The following CCDC126 variants were observed in gnomAD, a reference collection of about 807,000 sequenced individuals.
CCDC126 encodes the protein coiled-coil domain containing 126, also known as coiled-coil domain-containing protein 126.
In CCDC126, 5 loss-of-function variants were observed where a neutral mutation model predicts 11.7. The observed-to-expected ratio is 0.43, with a 90% confidence interval of 0.22 to 0.90. The LOEUF (loss-of-function observed/expected upper bound fraction) is 0.90. Ranked by LOEUF, CCDC126 falls within the 40% of genes least tolerant of loss-of-function variation. The pLI, the probability that CCDC126 is intolerant of heterozygous loss-of-function variation, is 0.27. For missense variants in CCDC126, 150 were observed against 163.1 expected, an observed-to-expected ratio of 0.92 and a Z score of 0.44; for synonymous variants, 60 against 61.9, an observed-to-expected ratio of 0.97 and a Z score of 0.14.
chr7:23,612,770 C>G (rs1263297007), intron 3 of CCDC126, among the ~76,000 whole-genome samples: 1 of 152,120 alleles, frequency 6.6e-6, no homozygotes, highest in Non-Finnish European at 1.5e-5. Flanking sequence ...CTAATATAAG[C>G]CATCAATTGT....
At chr7:23,609,578 C>T (rs1362744038) in intron 2 of CCDC126, among the ~76,000 whole-genome samples, 1 of 152,178 alleles carries the variant, frequency 6.6e-6, no homozygotes, top group Non-Finnish European at 1.5e-5. Flanking sequence ...AAACTATAAG[C>T]TGAGTTCCTG....
chr7:23,603,491 G>T (rs1317965041), intron 2 of CCDC126, among the ~76,000 whole-genome samples: 2 of 152,214 alleles, frequency 1.3e-5, no homozygotes, highest in Non-Finnish European at 2.9e-5. Context: ...GGAAGGTAGT[G>T]TGGTGTAGAG....
At chr7:23,615,541 G>C (rs1330234679) in intron 3 of CCDC126, among the ~76,000 whole-genome samples, 2 of 152,234 alleles carry the variant, frequency 1.3e-5, no homozygotes, top group East Asian at 3.8e-4. Context: ...TTGGCACAAG[G>C]CCTAGCTTTC....
intron 2 of CCDC126, among the ~76,000 whole-genome samples, chr7:23,600,464 C>T (rs1274175461): frequency 7.1e-6 from 1 of 141,336 alleles, no homozygotes; most frequent in Non-Finnish European, 1.5e-5. Context: ...AAATTACATT[C>T]CGGGGTCAAG....
At chr7:23,623,518 C>G (rs1362948226) in intron 3 of CCDC126, among the ~76,000 whole-genome samples, 1 of 151,204 alleles carries the variant, frequency 6.6e-6, no homozygotes, top group African/African-American at 2.4e-5. Flanking sequence ...GTCACTTGAA[C>G]CCAGAAGGCA....
chr7:23,618,769 G>A (rs1466876698), intron 3 of CCDC126, among the ~76,000 whole-genome samples: 1 of 151,652 alleles, frequency 6.6e-6, no homozygotes, highest in African/African-American at 2.4e-5. Context: ...AGGCCAGGTT[G>A]GCCTTGAACT....
chr7:23,635,338 C>T lies in CCDC126; in HGVS notation c.239-7593C>T, dbSNP rs1241729163. Among the ~76,000 whole-genome samples, 9 of 152,172 alleles carry T rather than the reference C, an allele frequency of 5.9e-5. 1 individual carries two copies. Among genetic ancestry groups the T allele is most frequent in the Admixed American group, 5.9e-4 (9 of 15,268 alleles). ...TGTTTCCAAGTTGCTTTTAGGGGTTCAAGGTCTAAGATAGGGAAGGGGTTC... is the reference window on the plus strand; with the variant it reads ...TGTTTCCAAGTTGCTTTTAGGGGTTTAAGGTCTAAGATAGGGAAGGGGTTC... On this transcript the variant is annotated intron_variant, in intron 3 of 3. Coordinates refer to ENST00000307471, the MANE Select transcript of CCDC126 (RefSeq NM_138771.4).
intron 3 of CCDC126, among the ~76,000 whole-genome samples, chr7:23,636,916 C>A (rs370660539): frequency 1.4e-5 from 1 of 72,696 alleles, no homozygotes; most frequent in African/African-American, 5.7e-5. Context: ...GTCAGCCCCC[C>A]GCCCGGCCAG....
chr7:23,607,195 G>A (rs2128014915), intron 2 of CCDC126, among the ~76,000 whole-genome samples: 1 of 152,254 alleles, frequency 6.6e-6, no homozygotes. Context: ...TTAATATAGT[G>A]GCCTAGAAAT....
Position 23,643,390 on chromosome 7 carries a change from A to T in CCDC126, c.*275A>T, listed in dbSNP as rs528206251. 15 of 291,944 alleles carry T rather than the reference A, an allele frequency of 5.1e-5. No homozygotes were observed. In the East Asian group the frequency reaches 8.0e-4, roughly 16 times the overall value. The allele number at this position is 291,944 out of a possible 1,614,324, so 18.1% of individuals were successfully genotyped here. ...TGGTAAGCAGATAGGTGAGTTTTGT[A>T]TAAATCTTTTGTGTTTGAGATCAAG... On this transcript the variant is annotated 3_prime_UTR_variant, in exon 4 of 4. Transcript: ENST00000307471.
chr7:23,610,806 G>A (rs1404980025), intron 2 of CCDC126, among the ~76,000 whole-genome samples: 1 of 146,304 alleles, frequency 6.8e-6, no homozygotes, highest in South Asian at 2.2e-4. Context: ...TTTTTTTTTT[G>A]AGGAAGAATA....
chr7:23,635,992 C>T (rs546160240), intron 3 of CCDC126, among the ~76,000 whole-genome samples: 14 of 152,252 alleles, frequency 9.2e-5, no homozygotes, highest in African/African-American at 3.4e-4. Flanking sequence ...GCCTGATTCT[C>T]CTGCCTCAGC....
chr7:23,632,710 G>C (rs186854297), intron 3 of CCDC126, among the ~76,000 whole-genome samples: 1 of 152,290 alleles, frequency 6.6e-6, no homozygotes, highest in Admixed American at 6.5e-5. Flanking sequence ...AAAACAAAAA[G>C]TTAATTTAAC....
At chr7:23,635,675 A>G (rs1584216744) in intron 3 of CCDC126, among the ~76,000 whole-genome samples, 1 of 152,340 alleles carries the variant, frequency 6.6e-6, no homozygotes, top group East Asian at 1.9e-4. Flanking sequence ...GTATTTAATA[A>G]TAATTTAGAA....
intron 3 of CCDC126, among the ~76,000 whole-genome samples, chr7:23,632,710 G>A (rs186854297): frequency 6.6e-6 from 1 of 152,172 alleles, no homozygotes; most frequent in South Asian, 2.1e-4. Context: ...AAAACAAAAA[G>A]TTAATTTAAC....
intron 3 of CCDC126, among the ~76,000 whole-genome samples, chr7:23,625,746 C>T (rs911913480): frequency 1.4e-5 from 2 of 146,990 alleles, no homozygotes; most frequent in African/African-American, 5.1e-5. Context: ...AGCTCTGCCT[C>T]CCAGGTTCAT....
intron 3 of CCDC126, among the ~76,000 whole-genome samples, chr7:23,636,480 C>A (rs1293886271): frequency 3.3e-4 from 34 of 102,008 alleles, no homozygotes; most frequent in African/African-American, 1.0e-3. Context: ...GGCCGCCCAT[C>A]GTCTGAGATG....
intron 3 of CCDC126, among the ~76,000 whole-genome samples, chr7:23,625,125 T>C (rs1782990353): frequency 6.6e-6 from 1 of 152,242 alleles, no homozygotes; most frequent in Admixed American, 6.5e-5. Context: ...ATTACAGATG[T>C]GAGCTACTAT....
chr7:23,605,881 A>C (rs2128014609), intron 2 of CCDC126, among the ~76,000 whole-genome samples: 1 of 152,190 alleles, frequency 6.6e-6, no homozygotes, highest in East Asian at 1.9e-4. Flanking sequence ...TTTTTGAGGA[A>C]ATGCCATACT....
Sources: allele counts gnomAD v4.1 joint callset (sites outside exome capture counted in the v4.1 genomes callset), GRCh38; gene constraint gnomAD v4.1.1; transcripts MANE v1.5; gene names NCBI Gene and HGNC (gene_info 2026-07-23, HGNC 2026-07-21).